The following BFSP2 variants were observed in gnomAD, a reference collection of about 807,000 sequenced individuals.
BFSP2 encodes the protein phakinin.
A neutral mutation model predicts 44.9 loss-of-function variants in BFSP2; 38 were observed. The ratio of observed to expected loss-of-function variants is 0.85; its 90% CI spans 0.65 to 1.11. The LOEUF is 1.11. BFSP2 is among the 50% of genes least tolerant of loss of function. The probability of loss-of-function intolerance (pLI) is 0.00; values close to 1 mark genes in which losing one functional copy is unlikely to be tolerated. For missense variants in BFSP2, 525 were observed against 533.0 expected, an observed-to-expected ratio of 0.99 and a Z score of 0.15; for synonymous variants, 197 against 209.9, an observed-to-expected ratio of 0.94 and a Z score of 0.53.
At chr3:133,447,605 T>A (rs985304795) in intron 2 of BFSP2, among the ~76,000 whole-genome samples, 1 of 152,074 alleles carries the variant, frequency 6.6e-6, no homozygotes, top group African/African-American at 2.4e-5. Flanking sequence ...CCACTGTCAG[T>A]TGGTTTAGAG....
At chr3:133,433,025 G>T (rs538389846) in intron 1 of BFSP2, among the ~76,000 whole-genome samples, 2 of 152,018 alleles carry the variant, frequency 1.3e-5, no homozygotes, top group Non-Finnish European at 2.9e-5. Context: ...TTCCAAAATC[G>T]ATTTTCTTCC....
rs2073348051 is a variant in BFSP2, at chr3:133,400,057, C to T, written c.-27C>T. The T allele has an allele frequency of 1.2e-6, 2 of 1,614,104 alleles. No homozygotes were observed. The highest frequency in any genetic ancestry group is 2.2e-5 in the East Asian group (1 of 44,886). Reference sequence around the variant, plus strand: ...AAAGCCACTGGACTCTGTAAACCCACTGGGCACCACAGAGGCAGAAGGGGT... The same window carrying T: ...AAAGCCACTGGACTCTGTAAACCCATTGGGCACCACAGAGGCAGAAGGGGT... On this transcript the variant is annotated 5_prime_UTR_variant, in exon 1 of 7. Transcript: ENST00000302334. This position sits in a 1 kb window ranked among gnomAD's most constrained non-coding sequence, Gnocchi z 4.0.
At chr3:133,456,143 C>T (rs1277332118) in intron 4 of BFSP2, among the ~76,000 whole-genome samples, 1 of 152,182 alleles carries the variant, frequency 6.6e-6, no homozygotes, top group African/African-American at 2.4e-5. Context: ...ATGGATTGCT[C>T]CCATGCTATC....
intron 1 of BFSP2, among the ~76,000 whole-genome samples, chr3:133,421,999 C>T (rs577752069): frequency 8.8e-5 from 13 of 147,620 alleles, no homozygotes; most frequent in South Asian, 2.2e-4. Flanking sequence ...CCCAGCTACT[C>T]GGGAGGCTGA....
In BFSP2 at chr3:133,447,379, A is replaced by G. The variant is rs200507710; in HGVS notation, c.552A>G (p.Gly184=). ...LMLQTETIQA[G]ADDFKERYEN... ...TGCAGACAGAAACTATCCAGGCCGG[A>G]GCAGATGACTTTAAAGAGAGGTAAT... The change falls in exon 2 of 7, where the codon GGA becomes GGG. Residue 184 remains glycine (G), a synonymous_variant. Coordinates refer to ENST00000302334, the MANE Select transcript of BFSP2 (RefSeq NM_003571.4). 17 of 1,613,976 alleles carry G rather than the reference A, an allele frequency of 1.1e-5. No individual in the cohort carries two copies. The highest frequency in any genetic ancestry group is 1.3e-5 in the Non-Finnish European group (15 of 1,179,960).
At chr3:133,447,923 G>T (rs1018125275) in intron 2 of BFSP2, among the ~76,000 whole-genome samples, 2 of 152,232 alleles carry the variant, frequency 1.3e-5, no homozygotes, top group African/African-American at 4.8e-5. Flanking sequence ...GTTGGGTCCA[G>T]GCTTCAGCAG....
chr3:133,440,109 T>A (rs903359399), intron 1 of BFSP2, among the ~76,000 whole-genome samples: 1 of 152,106 alleles, frequency 6.6e-6, no homozygotes, highest in Non-Finnish European at 1.5e-5. Context: ...CAAAGGCACA[T>A]CTTACATGGT....
At chr3:133,455,113 C>T (rs555623981) in intron 4 of BFSP2, among the ~76,000 whole-genome samples, 18 of 152,252 alleles carry the variant, frequency 1.2e-4, no homozygotes, top group Admixed American at 2.0e-4. Flanking sequence ...GCTGTTTTAC[C>T]GTTAACTATT....
intron 1 of BFSP2, among the ~76,000 whole-genome samples, chr3:133,413,522 A>G (rs1375496685): frequency 6.6e-6 from 1 of 152,106 alleles, no homozygotes; most frequent in Non-Finnish European, 1.5e-5. Context: ...AACCAAGCAG[A>G]ATGTTACTCA....
At chr3:133,420,469 T>C (rs909817972) in intron 1 of BFSP2, among the ~76,000 whole-genome samples, 2 of 152,144 alleles carry the variant, frequency 1.3e-5, no homozygotes, top group Non-Finnish European at 2.9e-5. Flanking sequence ...TCTGTCCAGA[T>C]AGAATCACCG....
At chr3:133,412,798 T>C (rs533163879) in intron 1 of BFSP2, among the ~76,000 whole-genome samples, 2 of 152,162 alleles carry the variant, frequency 1.3e-5, no homozygotes, top group Non-Finnish European at 2.9e-5. Context: ...CCAGACAGGC[T>C]CCAGGTTTCA....
intron 1 of BFSP2, chr3:133,445,564 G>T (rs2073889415): frequency 6.6e-6 from 1 of 152,136 alleles, no homozygotes; most frequent in Non-Finnish European, 1.5e-5. Flanking sequence ...CCACATCCAT[G>T]GATTCAACCA....
intron 4 of BFSP2, among the ~76,000 whole-genome samples, chr3:133,456,084 G>C (rs1012781049): frequency 6.6e-6 from 1 of 152,142 alleles, no homozygotes; most frequent in African/African-American, 2.4e-5. Flanking sequence ...TGGTTGCCCG[G>C]ATGTGAGAGA....
intron 1 of BFSP2, among the ~76,000 whole-genome samples, chr3:133,424,290 G>A (rs1393498165): frequency 7.2e-6 from 1 of 139,652 alleles, no homozygotes; most frequent in Non-Finnish European, 1.6e-5. Context: ...GTCTGGTCTC[G>A]AACTCCTGAC....
chr3:133,423,501 C>CA (rs2073613470), intron 1 of BFSP2, among the ~76,000 whole-genome samples: 2 of 148,918 alleles, frequency 1.3e-5, no homozygotes, highest in Admixed American at 1.3e-4. Context: ...AGCCCTCTGA[C>CA]ATCACCTGCC....
chr3:133,468,077 T>G (rs1384358740), intron 5 of BFSP2, among the ~76,000 whole-genome samples: 1 of 152,230 alleles, frequency 6.6e-6, no homozygotes, highest in East Asian at 1.9e-4. Context: ...CACATGAGCA[T>G]GCTCTTCTGA....
Position 133,472,424 on chromosome 3 carries a change from G to C in BFSP2, c.1103G>C (p.Gly368Ala). 2 of 1,614,108 alleles carry C rather than the reference G, an allele frequency of 1.2e-6. No homozygotes were observed. Among genetic ancestry groups the C allele is most frequent in the Non-Finnish European group, 1.7e-6 (2 of 1,179,994 alleles). Residue 368 changes from glycine to alanine, a missense_variant, in exon 6 of 7, where the codon GGC becomes GCC. Physicochemically the swap from Gly to Ala is moderately conservative, Grantham distance 60. Coordinates refer to ENST00000302334, the MANE Select transcript of BFSP2 (RefSeq NM_003571.4). ...MELQNLGAVV[G>A]RLEAELREIR... ...CTCCAGAACCTGGGCGCTGTGGTCG[G>C]CCGGCTGGAGGCGGAGCTCAGGGAA...
chr3:133,400,223 T>G lies in BFSP2; in HGVS notation c.140T>G (p.Met47Arg). The change falls in exon 1 of 7, where the codon ATG becomes AGG. Residue 47 changes from methionine (M) to arginine (R), a missense_variant. Physicochemically the swap from Met to Arg is moderately conservative, Grantham distance 91. Coordinates refer to ENST00000302334, the MANE Select transcript of BFSP2 (RefSeq NM_003571.4). The surrounding 1 kb of genome is among the most constrained non-coding windows in gnomAD (Gnocchi z 4.0). ...CCCCCAGCCTCCAGGACCAATGCCA[T>G]GAGTGGCCTTGTCCGAGCACCCGGG... ...ESPPASRTNA[M>R]SGLVRAPGVY... 6.2e-7 allele frequency: 1 copy of G among 1,613,992 alleles called. No individual in the cohort carries two copies. Among genetic ancestry groups the G allele is most frequent in the Non-Finnish European group, 8.5e-7 (1 of 1,179,960 alleles).
intron 1 of BFSP2, among the ~76,000 whole-genome samples, chr3:133,437,379 C>T (rs993492494): frequency 2.0e-5 from 3 of 151,878 alleles, no homozygotes; most frequent in African/African-American, 4.8e-5. Context: ...CAAAATTAGC[C>T]GGGCATGGTG....
Sources: allele counts gnomAD v4.1 joint callset (sites outside exome capture counted in the v4.1 genomes callset), GRCh38; gene constraint gnomAD v4.1.1; non-coding constraint Gnocchi (gnomAD v3.1); transcripts MANE v1.5; gene names NCBI Gene and HGNC (gene_info 2026-07-23, HGNC 2026-07-21).